The following PIK3CB variants were observed in gnomAD, a reference collection of about 807,000 sequenced individuals.
PIK3CB encodes phosphatidylinositol 4,5-bisphosphate 3-kinase catalytic subunit beta isoform.
A neutral mutation model predicts 136.8 loss-of-function variants in PIK3CB; 39 were observed. That is an observed-to-expected ratio of 0.29 (90% confidence interval 0.22 to 0.37). The LOEUF (loss-of-function observed/expected upper bound fraction) is 0.37. Ranked by LOEUF, PIK3CB falls within the 10% of genes least tolerant of loss-of-function variation. The pLI is 1.00. For synonymous variants in PIK3CB, 428 were observed against 436.6 expected, an observed-to-expected ratio of 0.98 and a Z score of 0.25; for missense variants, 868 against 1,275.4, an observed-to-expected ratio of 0.68 and a Z score of 4.87.
intron 2 of PIK3CB, among the ~76,000 whole-genome samples, chr3:138,780,737 T>C (rs894567928): frequency 2.6e-5 from 4 of 152,156 alleles, no homozygotes; most frequent in African/African-American, 9.7e-5. Context: ...GGCGCCATCT[T>C]AGCTCACTAT....
At chr3:138,659,114 A>G (rs1322234139) in intron 21 of PIK3CB, among the ~76,000 whole-genome samples, 2 of 152,208 alleles carry the variant, frequency 1.3e-5, no homozygotes, top group Admixed American at 1.3e-4. Context: ...TCTGTCCTGT[A>G]TGGGTGTTTA....
chr3:138,695,187 T>G (rs548806876), intron 13 of PIK3CB, among the ~76,000 whole-genome samples: 150 of 152,344 alleles, frequency 9.8e-4, no homozygotes, highest in African/African-American at 3.5e-3. Context: ...TTTCTAAAGC[T>G]CAATTCCATC....
chr3:138,713,763 C>T (rs530280022), intron 9 of PIK3CB, among the ~76,000 whole-genome samples: 44 of 152,132 alleles, frequency 2.9e-4, no homozygotes, highest in African/African-American at 7.2e-4. Context: ...TCCCTATCCC[C>T]ACCAAAAAGC....
chr3:138,807,651 G>T lies in PIK3CB; in HGVS notation c.-121-11084C>A, dbSNP rs960349649. On this transcript the variant is annotated intron_variant, in intron 1 of 23. Coordinates refer to ENST00000674063, the MANE Select transcript of PIK3CB (RefSeq NM_006219.3). ...CTCAAACCTATAATCCCAGCATTTTGGAAGGCCAAGGTGGGAGGATCACTT... is the reference window on the plus strand; with the variant it reads ...CTCAAACCTATAATCCCAGCATTTTTGAAGGCCAAGGTGGGAGGATCACTT... Among the ~76,000 whole-genome samples the T allele has an allele frequency of 5.9e-5, 9 of 152,238 alleles. No homozygotes were observed. The East Asian group carries it at 1.7e-3, about 29-fold the overall frequency.
chr3:138,813,937 A>C (rs1460607574), intron 1 of PIK3CB, among the ~76,000 whole-genome samples: 3 of 152,166 alleles, frequency 2.0e-5, no homozygotes, highest in Non-Finnish European at 2.9e-5. Context: ...AAGGAGGAAT[A>C]CACCTGGGCT....
chr3:138,686,370 C>T (rs1470065319), intron 16 of PIK3CB, among the ~76,000 whole-genome samples: 1 of 151,846 alleles, frequency 6.6e-6, no homozygotes, highest in South Asian at 2.1e-4. Flanking sequence ...ATCTGGAAGG[C>T]AGAGGTTGTA....
chr3:138,712,043 TATG>T (rs1335478182), intron 10 of PIK3CB, among the ~76,000 whole-genome samples, 162 bp downstream of exon 10: 11 of 152,124 alleles, frequency 7.2e-5, no homozygotes, highest in Non-Finnish European at 1.3e-4. Flanking sequence ...CAAGTAATTT[TATG>T]ATAATATTAA....
At chr3:138,681,563 T>C (rs971266627) in intron 19 of PIK3CB, among the ~76,000 whole-genome samples, 3 of 152,166 alleles carry the variant, frequency 2.0e-5, no homozygotes, top group Non-Finnish European at 4.4e-5. Flanking sequence ...AACCTGAGAA[T>C]GCACCTAAAC....
chr3:138,827,586 G>C (rs1212573150), intron 1 of PIK3CB, among the ~76,000 whole-genome samples: 1 of 151,968 alleles, frequency 6.6e-6, no homozygotes, highest in Non-Finnish European at 1.5e-5. Context: ...GGCCGGTGCA[G>C]GAGGATCACT....
intron 21 of PIK3CB, among the ~76,000 whole-genome samples, chr3:138,659,532 AG>A (rs1398340028): frequency 3.3e-5 from 5 of 151,880 alleles, no homozygotes; most frequent in African/African-American, 2.4e-5. Flanking sequence ...AAAAAAAAAA[AG>A]TTTGGTTATC....
chr3:138,745,525 T>C (rs541830888), intron 4 of PIK3CB, among the ~76,000 whole-genome samples: 1 of 151,944 alleles, frequency 6.6e-6, no homozygotes, highest in South Asian at 2.1e-4. Context: ...CTCAGCTACT[T>C]GGGGGGCTGA....
intron 1 of PIK3CB, among the ~76,000 whole-genome samples, chr3:138,818,621 C>A (rs1374301853): frequency 6.6e-6 from 1 of 152,068 alleles, no homozygotes; most frequent in East Asian, 1.9e-4. Flanking sequence ...CATCTTACAC[C>A]CTTATCCTAC....
chr3:138,819,409 A>T (rs1374126085), intron 1 of PIK3CB, among the ~76,000 whole-genome samples: 1 of 152,182 alleles, frequency 6.6e-6, no homozygotes, highest in East Asian at 1.9e-4. Flanking sequence ...AAATTTTAGA[A>T]AGATAACTCT....
At chr3:138,757,254 A>C (rs1022795359) in intron 3 of PIK3CB, among the ~76,000 whole-genome samples, 22 of 151,982 alleles carry the variant, frequency 1.4e-4, no homozygotes, top group African/African-American at 5.1e-4. Context: ...AAATACAAAA[A>C]TTAGCTGGGC....
rs551991729 is a variant in PIK3CB at position 138,808,495 on chromosome 3, T to G, written c.-121-11928A>C. On this transcript the variant is annotated intron_variant, in intron 1 of 23. Transcript: ENST00000674063. ...ATAAAGTTGTTGAACAACTTTGTAG[T>G]CTCTACAAAGTAGTGTGTCTCTACA... Among the ~76,000 whole-genome samples the G allele has an allele frequency of 3.3e-5, 5 of 151,982 alleles. No individual in the cohort carries two copies. In the East Asian group the frequency reaches 9.7e-4, roughly 30 times the overall value.
chr3:138,813,988 G>A (rs1181635103), intron 1 of PIK3CB, among the ~76,000 whole-genome samples: 1 of 152,256 alleles, frequency 6.6e-6, no homozygotes, highest in East Asian at 1.9e-4. Context: ...GACAGGGAAA[G>A]GAGCAGAAAG....
At chr3:138,826,988 G>A (rs772282490) in intron 1 of PIK3CB, among the ~76,000 whole-genome samples, 3 of 152,150 alleles carry the variant, frequency 2.0e-5, no homozygotes, top group Non-Finnish European at 4.4e-5. Flanking sequence ...AGAATTGCTT[G>A]AACCCAGCAG....
intron 8 of PIK3CB, among the ~76,000 whole-genome samples, chr3:138,715,655 C>T (rs1225291172): frequency 1.3e-5 from 2 of 152,000 alleles, no homozygotes; most frequent in African/African-American, 4.8e-5. Context: ...TATACACATA[C>T]TTCATCTATA....
At chr3:138,663,762 C>A (rs954941443) in intron 21 of PIK3CB, 144 bp downstream of exon 21, 10 of 729,282 alleles carry the variant, frequency 1.4e-5, no homozygotes, top group Non-Finnish European at 2.3e-5. Flanking sequence ...ATATATGAAA[C>A]GAGAGGTAGT....
Sources: allele counts gnomAD v4.1 joint callset (sites outside exome capture counted in the v4.1 genomes callset), GRCh38; gene constraint gnomAD v4.1.1; transcripts MANE v1.5; gene names NCBI Gene and HGNC (gene_info 2026-07-23, HGNC 2026-07-21).